Variants in CADM1 observed in about 807,000 individuals in gnomAD.
The protein encoded by CADM1 is TSLC-1.
Under a neutral mutation model 53.1 loss-of-function variants are expected in CADM1, and 15 were observed. The ratio of observed to expected loss-of-function variants is 0.28; its 90% CI spans 0.19 to 0.44. CADM1 has a LOEUF of 0.44. Among genes scored for constraint, CADM1 ranks in the 20% least tolerant of loss-of-function variants. The pLI, the probability that CADM1 is intolerant of heterozygous loss-of-function variation, is 1.00. For synonymous variants in CADM1, 281 were observed against 243.0 expected, an observed-to-expected ratio of 1.16 and a Z score of -1.45; for missense variants, 434 against 611.3, an observed-to-expected ratio of 0.71 and a Z score of 3.06.
intron 1 of CADM1, among the ~76,000 whole-genome samples, chr11:115,375,302 G>C (rs1946410882): frequency 6.6e-6 from 1 of 152,094 alleles, no homozygotes; most frequent in Middle Eastern, 3.2e-3. Flanking sequence ...AAAAAATGTA[G>C]AACTATGGCA....
intron 1 of CADM1, among the ~76,000 whole-genome samples, chr11:115,298,907 C>G (rs1298253393): frequency 6.6e-6 from 1 of 152,080 alleles, no homozygotes; most frequent in Non-Finnish European, 1.5e-5. Context: ...CTTGAAATCT[C>G]AATATTATAG....
Position 115,328,690 on chromosome 11 carries a change from GTGTATATATATGTATATATATA to G in CADM1, c.125-88292_125-88271del, listed in dbSNP as rs1317723348. On this transcript the variant is annotated intron_variant, in intron 1 of 11. Transcript: ENST00000331581. ...ACTATATATATATGTGTATATATAT[GTGTATATATATGTATATATATA>G]TGTGTATATATATGTATATACATAT... Among the ~76,000 whole-genome samples the G allele has an allele frequency of 7.5e-5, 2 of 26,652 alleles. 1 individual carries two copies. The highest frequency in any genetic ancestry group is 0.026 in the East Asian group (2 of 76). 17.5% of individuals were successfully genotyped at this position (26,652 alleles called of 152,430 possible). A position where few individuals can be genotyped will look rare whatever the true frequency, so the allele number is the denominator to read the frequency against.
At chr11:115,481,886 G>T (rs557985529) in intron 1 of CADM1, among the ~76,000 whole-genome samples, 5 of 152,142 alleles carry the variant, frequency 3.3e-5, no homozygotes, top group African/African-American at 1.2e-4. Context: ...TCTCCTACCT[G>T]AGTCTCTAAT....
chr11:115,304,911 G>A (rs1027868267), intron 1 of CADM1, among the ~76,000 whole-genome samples: 62 of 151,926 alleles, frequency 4.1e-4, no homozygotes, highest in African/African-American at 1.4e-3. Flanking sequence ...TGGCTGTATG[G>A]AATCATTATG....
rs575479367 is a variant in CADM1, at chr11:115,299,228, A to G, written c.125-58808T>C. Among the ~76,000 whole-genome samples, 7 of 152,188 alleles carry G rather than the reference A, an allele frequency of 4.6e-5. No individual in the cohort carries two copies. In the South Asian group the frequency reaches 1.5e-3, roughly 32 times the overall value. The stretch of plus-strand genomic sequence containing the variant: ...GACAAATGAAATAAGACAAATGCAC[A>G]CTCTCCCTTATGCTCAAGTACAGTA... On this transcript the variant is annotated intron_variant, in intron 1 of 11. Transcript: ENST00000331581.
chr11:115,497,856 T>C (rs1949654016), intron 1 of CADM1, among the ~76,000 whole-genome samples: 1 of 152,080 alleles, frequency 6.6e-6, no homozygotes, highest in African/African-American at 2.4e-5. Flanking sequence ...TCCAGGGCCA[T>C]TCGGACCCCT....
At chr11:115,446,777 A>C (rs1195677979) in intron 1 of CADM1, among the ~76,000 whole-genome samples, 2 of 152,202 alleles carry the variant, frequency 1.3e-5, no homozygotes, top group African/African-American at 4.8e-5. Flanking sequence ...ACTAGGAGAC[A>C]ACCAAGGGTT....
At chr11:115,263,008 T>C (rs886333619) in intron 1 of CADM1, among the ~76,000 whole-genome samples, 1 of 152,236 alleles carries the variant, frequency 6.6e-6, no homozygotes. Context: ...CGGTCAGCTA[T>C]TTTGTAGACT....
chr11:115,333,516 A>T (rs1945185196), intron 1 of CADM1: 1 of 152,200 alleles, frequency 6.6e-6, no homozygotes, highest in African/African-American at 2.4e-5. Flanking sequence ...AAAGCTCTGG[A>T]GTTTTCTCAA....
At chr11:115,192,011 CAGTG>C (rs1565288165) in intron 9 of CADM1, among the ~76,000 whole-genome samples, 1 of 152,172 alleles carries the variant, frequency 6.6e-6, no homozygotes, top group Non-Finnish European at 1.5e-5. Flanking sequence ...AGTGTATTCT[CAGTG>C]AGTATTTGTT....
chr11:115,282,478 G>A (rs751966145), intron 1 of CADM1, among the ~76,000 whole-genome samples: 5 of 152,126 alleles, frequency 3.3e-5, no homozygotes, highest in Non-Finnish European at 7.4e-5. Context: ...AAGTTCTGAC[G>A]ACACTATAGT....
chr11:115,189,576 C>T (rs1939742523), intron 10 of CADM1, among the ~76,000 whole-genome samples: 1 of 152,176 alleles, frequency 6.6e-6, no homozygotes. Context: ...ACTTATCCAC[C>T]CTTATTTTAA....
intron 1 of CADM1, among the ~76,000 whole-genome samples, chr11:115,439,729 TGA>T (rs527795855): frequency 8.3e-4 from 126 of 152,326 alleles, no homozygotes; most frequent in African/African-American, 2.8e-3. Context: ...AGTGGTGTTT[TGA>T]GAGAGAGAAT....
chr11:115,470,025 C>A (rs560637654), intron 1 of CADM1, among the ~76,000 whole-genome samples: 1 of 152,264 alleles, frequency 6.6e-6, no homozygotes, highest in East Asian at 1.9e-4. Context: ...TTAAGCAGAG[C>A]AGCAATTTTC....
At position 115,357,041 on chromosome 11, in the gene CADM1, G is replaced by C. The variant is rs1945891720; in HGVS notation, c.125-116621C>G. 2.0e-5 allele frequency among the ~76,000 whole-genome samples: 3 copies of C among 152,200 alleles called. No individual in the cohort carries two copies. In the South Asian group the frequency reaches 6.2e-4, roughly 32 times the overall value. On this transcript the variant is annotated intron_variant, in intron 1 of 11. Transcript: ENST00000331581. ...TACAAAAATCAACTGTCTTTTAGAG[G>C]AATCTAACAAATAATACAACTGTGA...
chr11:115,380,238 A>T (rs1426923300), intron 1 of CADM1, among the ~76,000 whole-genome samples: 1 of 150,744 alleles, frequency 6.6e-6, no homozygotes, highest in Non-Finnish European at 1.5e-5. Flanking sequence ...AGAAAGAATT[A>T]TAAAATGGTC....
At chr11:115,227,103 A>G (rs1443612151) in intron 5 of CADM1, among the ~76,000 whole-genome samples, 2 of 152,240 alleles carry the variant, frequency 1.3e-5, no homozygotes, top group Admixed American at 6.5e-5. Context: ...TTCTTGGATA[A>G]AAAACAGAGT....
At chr11:115,213,971 T>C (rs1941070431) in intron 7 of CADM1, among the ~76,000 whole-genome samples, 1 of 152,170 alleles carries the variant, frequency 6.6e-6, no homozygotes, top group African/African-American at 2.4e-5. Flanking sequence ...TTAAGATGCC[T>C]GAAATGTAGT....
At chr11:115,210,651 T>C (rs1052646293) in intron 7 of CADM1, among the ~76,000 whole-genome samples, 3 of 152,236 alleles carry the variant, frequency 2.0e-5, no homozygotes, top group Non-Finnish European at 4.4e-5. Context: ...TTAAATTTTA[T>C]CTAAAGCATG....
Sources: allele counts gnomAD v4.1 joint callset (sites outside exome capture counted in the v4.1 genomes callset), GRCh38; gene constraint gnomAD v4.1.1; transcripts MANE v1.5; gene names NCBI Gene and HGNC (gene_info 2026-07-23, HGNC 2026-07-21).